The following NHS variants were observed in gnomAD, a reference collection of about 807,000 sequenced individuals.
NHS encodes NHS actin remodeling regulator, also known as actin remodeling regulator NHS.
Under a neutral mutation model 72.5 loss-of-function variants are expected in NHS, and 5 were observed. The observed-to-expected ratio is 0.07, with a 90% CI of 0.04 to 0.14. The LOEUF is 0.14. Among genes scored for constraint, NHS ranks in the 10% least tolerant of loss-of-function variants. The pLI is 1.00. For synonymous variants in NHS, 464 were observed against 547.7 expected, an observed-to-expected ratio of 0.85 and a Z score of 2.13; for missense variants, 1,072 against 1,355.7, an observed-to-expected ratio of 0.79 and a Z score of 3.29.
chrX:17,571,110 G>C (rs1301411630), intron 1 of NHS, among the ~76,000 whole-genome samples: 1 of 111,895 alleles, frequency 8.9e-6, no homozygotes, highest in Non-Finnish European at 1.9e-5. Context: ...ATGTTCATCG[G>C]GGATACTGGC....
intron 1 of NHS, among the ~76,000 whole-genome samples, chrX:17,654,176 G>A (rs1204452875): frequency 8.9e-6 from 1 of 111,865 alleles, no homozygotes; most frequent in South Asian, 3.8e-4. Flanking sequence ...TTCTGAGATG[G>A]GGCCCTTCCC....
chrX:17,716,562 G>A (rs777908651), intron 3 of NHS, among the ~76,000 whole-genome samples: 5 of 111,170 alleles, frequency 4.5e-5, no homozygotes, highest in Non-Finnish European at 9.4e-5. Flanking sequence ...CCAGGTTAGT[G>A]TCTGAACTCG....
intron 1 of NHS, among the ~76,000 whole-genome samples, chrX:17,540,512 T>C (rs767796279): frequency 1.8e-5 from 2 of 111,768 alleles, no homozygotes; most frequent in South Asian, 7.5e-4. Flanking sequence ...ACTTTGTTAT[T>C]TGAGAAAGTA....
At chrX:17,454,879 T>A (rs2064819782) in intron 1 of NHS, among the ~76,000 whole-genome samples, 1 of 111,910 alleles carries the variant, frequency 8.9e-6, no homozygotes, top group African/African-American at 3.3e-5. Context: ...ACTGAGTTTG[T>A]TTCTGTGCCT....
intron 1 of NHS, among the ~76,000 whole-genome samples, chrX:17,659,957 A>G (rs2065974926): frequency 1.8e-5 from 2 of 112,083 alleles, no homozygotes; most frequent in African/African-American, 3.2e-5. Context: ...CTATTTTACC[A>G]TACTACCTTT....
At chrX:17,660,591 T>C (rs987403419) in intron 1 of NHS, among the ~76,000 whole-genome samples, 3 of 112,546 alleles carry the variant, frequency 2.7e-5, no homozygotes, top group Non-Finnish European at 5.6e-5. Context: ...GCTGTGCTTA[T>C]GTCTCTTTCT....
intron 1 of NHS, among the ~76,000 whole-genome samples, chrX:17,403,145 T>A (rs912280015): frequency 9.0e-6 from 1 of 111,705 alleles, no homozygotes. Flanking sequence ...CCCACCCATA[T>A]GCTGGATGGG....
chrX:17,452,191 T>A (rs1237474277), intron 1 of NHS, among the ~76,000 whole-genome samples: 1 of 111,152 alleles, frequency 9.0e-6, no homozygotes, highest in Non-Finnish European at 1.9e-5. Flanking sequence ...GGTGAAAGGG[T>A]TTCGGGGGCA....
intron 1 of NHS, among the ~76,000 whole-genome samples, chrX:17,451,788 A>G (rs2064806563): frequency 8.9e-6 from 1 of 112,096 alleles, no homozygotes; most frequent in Non-Finnish European, 1.9e-5. Context: ...CCTATAGGAG[A>G]TCACAGTCAA....
intron 1 of NHS, among the ~76,000 whole-genome samples, chrX:17,387,148 C>T (rs962410273): frequency 8.9e-6 from 1 of 112,042 alleles, no homozygotes; most frequent in African/African-American, 3.2e-5. Context: ...TTGCAGCAGC[C>T]ACAGGTGCAC....
chrX:17,528,012 A>G (rs775582025), intron 1 of NHS, among the ~76,000 whole-genome samples: 11 of 110,375 alleles, frequency 1.0e-4, no homozygotes, highest in South Asian at 3.9e-4. Context: ...TCTGCTCCCA[A>G]CCCCACCCCC....
intron 1 of NHS, among the ~76,000 whole-genome samples, chrX:17,406,232 C>T (rs898108180): frequency 9.0e-6 from 1 of 111,629 alleles, no homozygotes; most frequent in African/African-American, 3.3e-5. Flanking sequence ...GTAGCTCAGA[C>T]GACTTTCCCA....
intron 1 of NHS, among the ~76,000 whole-genome samples, chrX:17,584,847 T>C (rs5909437): frequency 0.52 from 57,775 of 110,859 alleles, 13,029 homozygotes; most frequent in African/African-American, 0.87. Context: ...AAAATATTGT[T>C]ATCAATATAG....
chrX:17,638,736 T>C (rs1429145804), intron 1 of NHS, among the ~76,000 whole-genome samples: 2 of 112,429 alleles, frequency 1.8e-5, no homozygotes, highest in African/African-American at 6.5e-5. Context: ...GGACTTAGCA[T>C]GGTGCACCTA....
chrX:17,564,978 TA>T (rs1342627592), intron 1 of NHS, among the ~76,000 whole-genome samples: 9,486 of 107,744 alleles, frequency 0.088, 1,301 homozygotes, highest in African/African-American at 0.32. Flanking sequence ...CATTTTTTTT[TA>T]TTTATTTTTT....
intron 1 of NHS, among the ~76,000 whole-genome samples, chrX:17,529,636 G>A (rs1034980235): frequency 6.3e-5 from 7 of 111,683 alleles, no homozygotes; most frequent in Admixed American, 1.9e-4. Flanking sequence ...AAATGAGACC[G>A]TACTGCCCAG....
intron 1 of NHS, among the ~76,000 whole-genome samples, chrX:17,583,305 G>A (rs2065554193): frequency 1.8e-5 from 2 of 111,437 alleles, no homozygotes; most frequent in Admixed American, 9.5e-5. Flanking sequence ...AGTGCTATGG[G>A]AAGGATACTG....
intron 1 of NHS, among the ~76,000 whole-genome samples, chrX:17,590,702 T>C (rs760463680): frequency 9.0e-6 from 1 of 111,725 alleles, no homozygotes; most frequent in Non-Finnish European, 1.9e-5. Flanking sequence ...GTGCATGTAA[T>C]GATGTGGAAA....
intron 1 of NHS, among the ~76,000 whole-genome samples, chrX:17,594,263 ACAAAAC>A (rs1458924746): frequency 2.3e-4 from 26 of 112,348 alleles, no homozygotes; most frequent in African/African-American, 7.4e-4. Context: ...CAAAAGCAAA[ACAAAAC>A]CAAAACCAAA....
Sources: allele counts gnomAD v4.1 joint callset (sites outside exome capture counted in the v4.1 genomes callset), GRCh38; gene constraint gnomAD v4.1.1; transcripts MANE v1.5; gene names NCBI Gene and HGNC (gene_info 2026-07-23, HGNC 2026-07-21).